The following KCNQ1 variants were observed in gnomAD, a reference collection of about 807,000 sequenced individuals.
KCNQ1 encodes the protein potassium voltage-gated channel subfamily KQT member 1.
Under a neutral mutation model 72.4 loss-of-function variants are expected in KCNQ1, and 49 were observed. That is an observed-to-expected ratio of 0.68 (90% CI 0.54 to 0.86). KCNQ1 has a LOEUF of 0.86. KCNQ1 is among the 40% of genes least tolerant of loss of function. The pLI is 0.00. For synonymous variants in KCNQ1, 450 were observed against 412.6 expected, an observed-to-expected ratio of 1.09 and a Z score of -1.10; for missense variants, 790 against 945.1, an observed-to-expected ratio of 0.84 and a Z score of 2.15.
intron 11 of KCNQ1, among the ~76,000 whole-genome samples, chr11:2,732,525 G>T (rs1845872780): frequency 6.6e-6 from 1 of 152,228 alleles, no homozygotes; most frequent in Non-Finnish European, 1.5e-5. Context: ...TGGAGGTGAT[G>T]TGGATGCAGC....
chr11:2,798,004 C>A (rs1035485483), intron 15 of KCNQ1, among the ~76,000 whole-genome samples: 2 of 152,204 alleles, frequency 1.3e-5, no homozygotes, highest in African/African-American at 4.8e-5. Flanking sequence ...CAAGTTCAGC[C>A]CTCTCACCCT....
chr11:2,525,913 G>T (rs1401513171), intron 1 of KCNQ1, among the ~76,000 whole-genome samples: 1 of 152,228 alleles, frequency 6.6e-6, no homozygotes, highest in East Asian at 1.9e-4. Flanking sequence ...CTCTTGGGGT[G>T]CTCATGGTCT....
chr11:2,820,924 A>G (rs989765582), intron 15 of KCNQ1, among the ~76,000 whole-genome samples: 1 of 151,884 alleles, frequency 6.6e-6, no homozygotes, highest in Non-Finnish European at 1.5e-5. Context: ...CCTACACCCC[A>G]CCTCCATTGC....
At chr11:2,786,949 GTT>G (rs5789272) in intron 15 of KCNQ1, among the ~76,000 whole-genome samples, 5 of 120,310 alleles carry the variant, frequency 4.2e-5, no homozygotes, top group Non-Finnish European at 8.4e-5. Flanking sequence ...TTTCGTTTCT[GTT>G]TTTTTTTTTT....
chr11:2,633,027 C>G (rs145637203), intron 10 of KCNQ1: 3 of 398,426 alleles, frequency 7.5e-6, no homozygotes, highest in African/African-American at 6.2e-5. Flanking sequence ...AATTTATAGT[C>G]CCACAAATAG....
Position 2,624,783 on chromosome 11 carries a change from T to C in KCNQ1, c.1393+35929T>C, listed in dbSNP as rs765074204. Reference sequence around the variant, plus strand: ...ATCTCTTGGAAACCACCTTGTACTTTCTATGTCTCTGATTTGACTATTCTA... The same window carrying C: ...ATCTCTTGGAAACCACCTTGTACTTCCTATGTCTCTGATTTGACTATTCTA... On this transcript the variant is annotated intron_variant, in intron 10 of 15. Transcript: ENST00000155840. The surrounding 1 kb of genome is among the most constrained non-coding windows in gnomAD (Gnocchi z 4.9). 1.0e-5 allele frequency: 4 copies of C among 398,446 alleles called. No homozygotes were observed. Among genetic ancestry groups the C allele is most frequent in the African/African-American group, 8.2e-5 (4 of 48,642 alleles). The allele number at this position is 398,446 out of a possible 1,614,324, so 24.7% of individuals were successfully genotyped here. A position where few individuals can be genotyped will look rare whatever the true frequency, so the allele number is the denominator to read the frequency against.
chr11:2,534,421 A>G (rs1043267091), intron 2 of KCNQ1, among the ~76,000 whole-genome samples: 2 of 152,154 alleles, frequency 1.3e-5, no homozygotes, highest in African/African-American at 4.8e-5. Flanking sequence ...AGGTTGGGGA[A>G]CCAGTGGGTG....
At chr11:2,590,179 A>G (rs1275844730) in intron 10 of KCNQ1, among the ~76,000 whole-genome samples, 2 of 152,208 alleles carry the variant, frequency 1.3e-5, no homozygotes, top group Non-Finnish European at 2.9e-5. Flanking sequence ...CTGTGCTGCC[A>G]CCAGGACAGG....
rs548896856 is a variant in KCNQ1 at position 2,477,807 on chromosome 11, A to C, written c.386+32323A>C. ...GTAATGGATTATAATTCATGAAAAA[A>C]GAATCTATGCATCCACAGGGACACA... On this transcript the variant is annotated intron_variant, in intron 1 of 15. Transcript: ENST00000155840. The surrounding 1 kb of genome is among the most constrained non-coding windows in gnomAD (Gnocchi z 5.0). 4.3e-4 allele frequency among the ~76,000 whole-genome samples: 66 copies of C among 152,268 alleles called. No homozygotes were observed. Among genetic ancestry groups the C allele is most frequent in the Middle Eastern group, 6.8e-3 (2 of 294 alleles).
intron 5 of KCNQ1, among the ~76,000 whole-genome samples, chr11:2,572,444 C>T (rs1350720583): frequency 6.6e-6 from 1 of 152,202 alleles, no homozygotes; most frequent in Non-Finnish European, 1.5e-5. Flanking sequence ...CACCAGACTC[C>T]CTCCCGAGGG....
chr11:2,621,092 C>T lies in KCNQ1; in HGVS notation c.1393+32238C>T, dbSNP rs139943806. 0.011 allele frequency: 4,222 copies of T among 397,304 alleles called. 130 individuals carry two copies. The highest frequency in any genetic ancestry group is 0.09 in the East Asian group (2,534 of 28,032). The allele number at this position is 397,304 out of a possible 1,614,324, so 24.6% of individuals were successfully genotyped here. On this transcript the variant is annotated intron_variant, in intron 10 of 15. Transcript: ENST00000155840. This position sits in a 1 kb window ranked among gnomAD's most constrained non-coding sequence, Gnocchi z 5.7. Reference sequence around the variant, plus strand: ...TCCTGGGTTCAAGCAATTCTCCTGTCTCAGACTCCTGAGTAGCTGGGATTA... The same window carrying T: ...TCCTGGGTTCAAGCAATTCTCCTGTTTCAGACTCCTGAGTAGCTGGGATTA...
rs910376667 is a variant in KCNQ1 at position 2,464,153 on chromosome 11, G to C, written c.386+18669G>C. Among the ~76,000 whole-genome samples the C allele has an allele frequency of 1.3e-5, 2 of 152,160 alleles. No individual in the cohort carries two copies. The highest frequency in any genetic ancestry group is 2.4e-5 in the African/African-American group (1 of 41,434). On this transcript the variant is annotated intron_variant, in intron 1 of 15. Coordinates refer to ENST00000155840, the MANE Select transcript of KCNQ1 (RefSeq NM_000218.3). The surrounding 1 kb of genome is among the most constrained non-coding windows in gnomAD (Gnocchi z 5.0). ...ATGTGGACTACGGTGCTTGCCATCA[G>C]CAGATACAAGCTGTACGCAGTGGGC...
chr11:2,673,911 G>C lies in KCNQ1; in HGVS notation c.1514+11830G>C, dbSNP rs1186241802. 3 of 397,956 alleles carry C rather than the reference G, an allele frequency of 7.5e-6. No individual in the cohort carries two copies. The highest frequency in any genetic ancestry group is 1.3e-5 in the Non-Finnish European group (3 of 226,016). The allele number at this position is 397,956 out of a possible 1,614,324, so 24.7% of individuals were successfully genotyped here. On this transcript the variant is annotated intron_variant, in intron 11 of 15. Coordinates refer to ENST00000155840, the MANE Select transcript of KCNQ1 (RefSeq NM_000218.3). This position sits in a 1 kb window ranked among gnomAD's most constrained non-coding sequence, Gnocchi z 4.5. ...GAAGGGATGGGAGCTCAGCTCACCG[G>C]GTGCTAGACAAGGGAGTGTGTCTCT...
Position 2,624,317 on chromosome 11 carries a change from G to C in KCNQ1, c.1393+35463G>C, listed in dbSNP as rs918610297. On this transcript the variant is annotated intron_variant, in intron 10 of 15. Coordinates refer to ENST00000155840, the MANE Select transcript of KCNQ1 (RefSeq NM_000218.3). The surrounding 1 kb of genome is among the most constrained non-coding windows in gnomAD (Gnocchi z 4.9). Reference sequence around the variant, plus strand: ...AAGGTTCTTTATATATTTTGGATGAGTCCTTTATCAGGTATATCTTTTACA... The same window carrying C: ...AAGGTTCTTTATATATTTTGGATGACTCCTTTATCAGGTATATCTTTTACA... The C allele has an allele frequency of 2.5e-6, 1 of 398,442 alleles. No individual in the cohort carries two copies. Among genetic ancestry groups the C allele is most frequent in the African/African-American group, 2.1e-5 (1 of 48,708 alleles). 24.7% of individuals were successfully genotyped at this position (398,442 alleles called of 1,614,324 possible). A position where few individuals can be genotyped will look rare whatever the true frequency, so the allele number is the denominator to read the frequency against.
At position 2,651,885 on chromosome 11, in the gene KCNQ1, G is replaced by T. The variant is rs566632405; in HGVS notation, c.1394-10076G>T. On this transcript the variant is annotated intron_variant, in intron 10 of 15. Transcript: ENST00000155840. The surrounding 1 kb of genome is among the most constrained non-coding windows in gnomAD (Gnocchi z 6.1). ...TTGAAGTAGTGTTCAGGCTGAGGGG[G>T]TCATAGCCGAGGGTCCCTCTGGGGC... 7.5e-5 allele frequency: 30 copies of T among 398,746 alleles called. 1 individual carries two copies. In the South Asian group the frequency reaches 2.0e-3, roughly 27 times the overall value. The allele number at this position is 398,746 out of a possible 1,614,324, so 24.7% of individuals were successfully genotyped here.
At chr11:2,630,382 A>G (rs1212372776) in intron 10 of KCNQ1, 2 of 398,076 alleles carry the variant, frequency 5.0e-6, no homozygotes, top group Non-Finnish European at 8.9e-6. Context: ...CTTTTCTTAT[A>G]TTGTCCTTGT....
intron 11 of KCNQ1, chr11:2,684,031 T>G (rs757900181): frequency 3.3e-5 from 13 of 398,470 alleles, no homozygotes; most frequent in Non-Finnish European, 4.4e-5. Flanking sequence ...TCAGCTAACT[T>G]CATCCTCCCC....
chr11:2,573,042 C>T, intron 6 of KCNQ1, 56 bp downstream of exon 6: 1 of 1,586,052 alleles, frequency 6.3e-7, no homozygotes, highest in Non-Finnish European at 8.6e-7. Context: ...GAGGAGTGGG[C>T]AGGACATCTG....
At chr11:2,840,203 G>C (rs531179779) in intron 15 of KCNQ1, 2 of 149,664 alleles carry the variant, frequency 1.3e-5, no homozygotes, top group South Asian at 4.1e-4. Context: ...TATTCATTCA[G>C]CATAAGCAGA....
Sources: gnomAD v4.1 joint callset for allele counts (sites outside exome capture counted in the v4.1 genomes callset) on GRCh38, gnomAD v4.1.1 for gene constraint, Gnocchi (gnomAD v3.1) non-coding constraint, MANE v1.5 for transcripts, NCBI Gene and HGNC (gene_info 2026-07-23, HGNC 2026-07-21) for gene names.